Variants in SPTBN4 observed in about 807,000 individuals in gnomAD.
The protein encoded by SPTBN4 is spectrin beta, non-erythrocytic 4.
Under a neutral mutation model 277.8 loss-of-function variants are expected in SPTBN4, and 96 were observed. That is an observed-to-expected ratio of 0.35 (90% CI 0.29 to 0.41). The LOEUF (loss-of-function observed/expected upper bound fraction) is 0.41. SPTBN4 is among the 10% of genes least tolerant of loss of function. SPTBN4 has a pLI of 1.00. For missense variants in SPTBN4, 3,006 were observed against 3,595.7 expected (o/e 0.84, Z 4.19); for synonymous variants, 1,481 against 1,580.3 (o/e 0.94, Z 1.49).
At chr19:40,498,117 A>G (rs763593919) in intron 7 of SPTBN4, among the ~76,000 whole-genome samples, 1 of 151,656 alleles carries the variant, frequency 6.6e-6, no homozygotes, top group South Asian at 2.1e-4. Context: ...CCCCATGTCT[A>G]TCTCTCCCAC....
In SPTBN4 at chr19:40,572,178, T is replaced by C. The variant is rs2081161840; in HGVS notation, c.7479T>C (p.His2493=). 2 of 1,599,882 alleles carry C rather than the reference T, an allele frequency of 1.3e-6. No homozygotes were observed. The highest frequency in any genetic ancestry group is 1.7e-6 in the Non-Finnish European group (2 of 1,171,426). The change falls in exon 34 of 36, where the codon CAT becomes CAC. Residue 2493 remains histidine, a synonymous_variant. Coordinates refer to ENST00000598249, the MANE Select transcript of SPTBN4 (RefSeq NM_020971.3). ...EVASDYKKKK[H]VFKLQTQDGS... is the part of the protein sequence containing the mutation. ...CTAGTGACTACAAGAAAAAGAAGCA[T>C]GTCTTCAAGCTCCAGTGAGCCCCCC...
rs998247716 is a variant in SPTBN4, at chr19:40,519,809, C to T, written c.3312C>T (p.Leu1104=). 20 of 1,435,972 alleles carry T rather than the reference C, an allele frequency of 1.4e-5. No individual in the cohort carries two copies. Among genetic ancestry groups the T allele is most frequent in the African/African-American group, 1.2e-4 (8 of 65,730 alleles). 89.0% of individuals were successfully genotyped at this position (1,435,972 alleles called of 1,614,324 possible). The change falls in exon 16 of 36, where the codon CTC becomes CTT. Residue 1104 remains leucine, a synonymous_variant. Coordinates refer to ENST00000598249, the MANE Select transcript of SPTBN4 (RefSeq NM_020971.3). This position sits in a 1 kb window ranked among gnomAD's most constrained non-coding sequence, Gnocchi z 5.7. The part of the protein sequence containing the change: ...LHDLDAFLDW[L]VRAQEAAGGS... ...ACCTCGACGCTTTCCTGGACTGGCTCGTGCGCGCCCAGGAGGCGGCGGGCG... is the reference window on the plus strand; with the variant it reads ...ACCTCGACGCTTTCCTGGACTGGCTTGTGCGCGCCCAGGAGGCGGCGGGCG...
chr19:40,530,669 G>A, intron 18 of SPTBN4: 1 of 733,296 alleles, frequency 1.4e-6, no homozygotes, highest in Non-Finnish European at 1.7e-6. Flanking sequence ...GCGCGTGCCC[G>A]CCCGTCGTGG....
chr19:40,574,510 C>T (rs903238901), intron 35 of SPTBN4, among the ~76,000 whole-genome samples: 2 of 151,874 alleles, frequency 1.3e-5, no homozygotes, highest in Non-Finnish European at 2.9e-5. Flanking sequence ...TACAGGCTTG[C>T]GCCACCATGC....
chr19:40,560,900 ATCCC>A lies in SPTBN4; in HGVS notation c.5915+498_5915+501del. On this transcript the variant is annotated intron_variant, in intron 27 of 35. Coordinates refer to ENST00000598249, the MANE Select transcript of SPTBN4 (RefSeq NM_020971.3). This position sits in a 1 kb window ranked among gnomAD's most constrained non-coding sequence, Gnocchi z 5.2. ...GGGAGTCACATGCTGGACCCTCTGC[ATCCC>A]GCTGCAGATGGGAAAAGATAGCAGG... is the stretch of plus-strand genomic sequence containing the variant. 1 of 249,784 alleles carries A rather than the reference ATCCC, an allele frequency of 4.0e-6. No individual in the cohort carries two copies. Among genetic ancestry groups the A allele is most frequent in the Non-Finnish European group, 6.9e-6 (1 of 145,766 alleles). The allele number at this position is 249,784 out of a possible 1,614,324, so 15.5% of individuals were successfully genotyped here.
intron 18 of SPTBN4, chr19:40,530,675 C>G: frequency 1.4e-5 from 8 of 554,154 alleles, no homozygotes; most frequent in Non-Finnish European, 1.8e-5. Flanking sequence ...GCCCGCCCGT[C>G]GTGGCCGCGG....
At chr19:40,468,572 G>T (rs1260428619) in intron 1 of SPTBN4, among the ~76,000 whole-genome samples, 1 of 152,086 alleles carries the variant, frequency 6.6e-6, no homozygotes, top group Non-Finnish European at 1.5e-5. Flanking sequence ...TAAAGACCGG[G>T]TTTTGCCATG....
intron 27 of SPTBN4, among the ~76,000 whole-genome samples, chr19:40,564,918 A>T (rs1168018063): frequency 6.6e-6 from 1 of 152,062 alleles, no homozygotes; most frequent in African/African-American, 2.4e-5. Flanking sequence ...AACTTGGAAA[A>T]TTTGAATCAT....
intron 17 of SPTBN4, among the ~76,000 whole-genome samples, chr19:40,527,682 A>G (rs1367737503): frequency 6.6e-6 from 1 of 152,196 alleles, no homozygotes; most frequent in Non-Finnish European, 1.5e-5. Context: ...AGGGCAGTAC[A>G]GTTACCACAG....
intron 27 of SPTBN4, among the ~76,000 whole-genome samples, chr19:40,564,351 G>T (rs367578441): frequency 7.3e-4 from 111 of 152,278 alleles, no homozygotes; most frequent in African/African-American, 2.5e-3. Context: ...AACTATTAAT[G>T]AGACATTTTA....
At position 40,560,309 on chromosome 19, in the gene SPTBN4, A is replaced by G; in HGVS notation, c.5821A>G (p.Thr1941Ala). 2 of 1,614,086 alleles carry G rather than the reference A, an allele frequency of 1.2e-6. No individual in the cohort carries two copies. The highest frequency in any genetic ancestry group is 2.2e-5 in the South Asian group (2 of 91,074). Residue 1941 changes from threonine (T) to alanine (A), a missense_variant, in exon 27 of 36, where the codon ACA becomes GCA. Coordinates refer to ENST00000598249, the MANE Select transcript of SPTBN4 (RefSeq NM_020971.3). The surrounding 1 kb of genome is among the most constrained non-coding windows in gnomAD (Gnocchi z 5.2). ...GGATGCCCGCCTGCATGTCAGCTCC[A>G]CAGCCGACGCCCTGCGCTTCCACAG... is the stretch of plus-strand genomic sequence containing the variant. Reference protein sequence around the residue: ...CEDARLHVSSTADALRFHSQV... With the variant: ...CEDARLHVSSAADALRFHSQV...
In SPTBN4 at chr19:40,554,724, T is replaced by C. The variant is rs2145931456; in HGVS notation, c.5084+78T>C. The C allele has an allele frequency of 6.5e-7, 1 of 1,550,014 alleles. No individual in the cohort carries two copies. Among genetic ancestry groups the C allele is most frequent in the Non-Finnish European group, 8.7e-7 (1 of 1,147,188 alleles). On this transcript the variant is annotated intron_variant, in intron 24 of 35. Coordinates refer to ENST00000598249, the MANE Select transcript of SPTBN4 (RefSeq NM_020971.3). This position sits in a 1 kb window ranked among gnomAD's most constrained non-coding sequence, Gnocchi z 5.7. ...TCGCTGTTGGGAGTTGGCGCAGCGC[T>C]GGAATTGGACGTTGGGTGGGAGAGG...
At chr19:40,528,608 CCT>C (rs2080623173) in intron 17 of SPTBN4, among the ~76,000 whole-genome samples, 1 of 152,170 alleles carries the variant, frequency 6.6e-6, no homozygotes, top group Non-Finnish European at 1.5e-5. Context: ...TCTGCTGCTC[CCT>C]GAGTTTCTTT....
At chr19:40,484,666 G>A (rs1356250343) in intron 2 of SPTBN4, among the ~76,000 whole-genome samples, 10 of 152,052 alleles carry the variant, frequency 6.6e-5, no homozygotes, top group Admixed American at 2.0e-4. Context: ...GGTGGCTCAC[G>A]CCTGTAATCC....
intron 6 of SPTBN4, among the ~76,000 whole-genome samples, 174 bp downstream of exon 6, chr19:40,495,151 A>G (rs1324526556): frequency 6.6e-6 from 1 of 152,120 alleles, no homozygotes. Context: ...CTGCACATTT[A>G]CACACAGGAA....
intron 27 of SPTBN4, among the ~76,000 whole-genome samples, chr19:40,563,446 A>C (rs1423674184): frequency 2.0e-5 from 3 of 152,142 alleles, no homozygotes; most frequent in Non-Finnish European, 4.4e-5. Context: ...CACAAATGCG[A>C]GCCACATATA....
At chr19:40,546,036 C>T (rs1461885664) in intron 20 of SPTBN4, among the ~76,000 whole-genome samples, 5 of 127,994 alleles carry the variant, frequency 3.9e-5, no homozygotes, top group East Asian at 2.3e-4. Context: ...GGCGAAAGAG[C>T]GAGACTCTGC....
At chr19:40,567,111 G>C (rs149256690) in intron 30 of SPTBN4, 1 of 455,040 alleles carries the variant, frequency 2.2e-6, no homozygotes. Context: ...CTGAGAAGCC[G>C]TCTCTACCAA....
At position 40,493,059 on chromosome 19, in the gene SPTBN4, G is replaced by T. The variant is rs756574409; in HGVS notation, c.587+5G>T. The T allele has an allele frequency of 3.7e-6, 6 of 1,613,964 alleles. 1 individual carries two copies. The South Asian group carries it at 6.6e-5, about 18-fold the overall frequency. The stretch of plus-strand genomic sequence containing the variant: ...GTGTCAGATGAAGACAGCTGGGTAA[G>T]CACCCCCACCACCTTCCTTAGGAGG... On this transcript the variant is annotated splice_donor_5th_base_variant and intron_variant, in intron 5 of 35. Coordinates refer to ENST00000598249, the MANE Select transcript of SPTBN4 (RefSeq NM_020971.3).
Sources: allele counts gnomAD v4.1 joint callset (sites outside exome capture counted in the v4.1 genomes callset), GRCh38; gene constraint gnomAD v4.1.1; non-coding constraint Gnocchi (gnomAD v3.1); transcripts MANE v1.5; gene names NCBI Gene and HGNC (gene_info 2026-07-23, HGNC 2026-07-21).